Variants in KCTD8 observed in about 807,000 individuals in gnomAD.
KCTD8 encodes BTB/POZ domain-containing protein KCTD8.
A neutral mutation model predicts 31.5 loss-of-function variants in KCTD8; 27 were observed. That is an observed-to-expected ratio of 0.86 (90% CI 0.63 to 1.18). The LOEUF (loss-of-function observed/expected upper bound fraction) is 1.18. KCTD8 is among the 50% of genes most tolerant of loss of function. KCTD8 has a pLI of 0.00. For missense variants in KCTD8, 658 were observed against 647.7 expected (o/e 1.02, Z -0.17); for synonymous variants, 290 against 280.0 (o/e 1.04, Z -0.36).
chr4:44,231,644 G>T (rs992801468), intron 1 of KCTD8, among the ~76,000 whole-genome samples: 1 of 152,226 alleles, frequency 6.6e-6, no homozygotes, highest in African/African-American at 2.4e-5. Flanking sequence ...ATCTGATTTT[G>T]TATCCCATAT....
chr4:44,347,215 T>C (rs542336328), intron 1 of KCTD8, among the ~76,000 whole-genome samples: 5 of 152,336 alleles, frequency 3.3e-5, no homozygotes, highest in South Asian at 2.1e-4. Flanking sequence ...TTATTAAACA[T>C]GGTAACATCA....
At chr4:44,357,069 T>C (rs1361911648) in intron 1 of KCTD8, among the ~76,000 whole-genome samples, 1 of 143,600 alleles carries the variant, frequency 7.0e-6, no homozygotes, top group Non-Finnish European at 1.5e-5. Flanking sequence ...GGCATTTATA[T>C]CAAAGAAAGG....
intron 1 of KCTD8, among the ~76,000 whole-genome samples, chr4:44,349,756 A>G (rs1177992746): frequency 2.0e-5 from 3 of 152,012 alleles, no homozygotes; most frequent in African/African-American, 7.2e-5. Flanking sequence ...CCAAAGCACA[A>G]CTCTGATTGT....
At chr4:44,247,943 A>T (rs1013199948) in intron 1 of KCTD8, among the ~76,000 whole-genome samples, 2 of 151,966 alleles carry the variant, frequency 1.3e-5, no homozygotes, top group African/African-American at 2.4e-5. Context: ...TAAAAATAGA[A>T]CTACTATATG....
chr4:44,292,058 G>T (rs1003129123), intron 1 of KCTD8, among the ~76,000 whole-genome samples: 2 of 151,226 alleles, frequency 1.3e-5, no homozygotes, highest in Non-Finnish European at 2.9e-5. Flanking sequence ...ATCCACTGCG[G>T]AAAGCAGTAC....
At chr4:44,351,836 C>A (rs897547162) in intron 1 of KCTD8, among the ~76,000 whole-genome samples, 2 of 152,046 alleles carry the variant, frequency 1.3e-5, no homozygotes, top group East Asian at 3.9e-4. Context: ...CACAACTGAA[C>A]TGAAAATATT....
At chr4:44,377,618 C>T (rs1256796503) in intron 1 of KCTD8, among the ~76,000 whole-genome samples, 2 of 152,168 alleles carry the variant, frequency 1.3e-5, no homozygotes, top group East Asian at 3.9e-4. Flanking sequence ...CTGCGGCGTC[C>T]AGGACACAAG....
At chr4:44,283,024 T>TA (rs1293694345) in intron 1 of KCTD8, among the ~76,000 whole-genome samples, 4 of 129,022 alleles carry the variant, frequency 3.1e-5, no homozygotes, top group African/African-American at 1.2e-4. Flanking sequence ...AAACAACACA[T>TA]TTTATTATTA....
intron 1 of KCTD8, among the ~76,000 whole-genome samples, chr4:44,177,373 C>A (rs1713249443): frequency 6.6e-6 from 1 of 152,146 alleles, no homozygotes; most frequent in Non-Finnish European, 1.5e-5. Context: ...CCTCTCCCTT[C>A]TCTTCTCCTT....
chr4:44,448,595 C>G lies in KCTD8; in HGVS notation c.-72G>C. The G allele has an allele frequency of 7.4e-7, 1 of 1,355,470 alleles. No homozygotes were observed. Among genetic ancestry groups the G allele is most frequent in the Non-Finnish European group, 9.5e-7 (1 of 1,056,306 alleles). 84.0% of individuals were successfully genotyped at this position (1,355,470 alleles called of 1,614,324 possible). A position where few individuals can be genotyped will look rare whatever the true frequency, so the allele number is the denominator to read the frequency against. On this transcript the variant is annotated 5_prime_UTR_variant, in exon 1 of 2. Transcript: ENST00000360029. This position sits in a 1 kb window ranked among gnomAD's most constrained non-coding sequence, Gnocchi z 4.1. The stretch of plus-strand genomic sequence containing the variant: ...CGTTCCCGGAGCCCGCGCCCCAGCC[C>G]TCCGCGTGCTCCTGGCGCTCTGCGC...
intron 1 of KCTD8, among the ~76,000 whole-genome samples, chr4:44,292,820 T>G (rs1292897084): frequency 6.6e-6 from 1 of 152,130 alleles, no homozygotes; most frequent in Non-Finnish European, 1.5e-5. Context: ...TCCTATGAGA[T>G]TAAATTTTAT....
chr4:44,353,357 G>T (rs2109425865), intron 1 of KCTD8, among the ~76,000 whole-genome samples: 1 of 152,032 alleles, frequency 6.6e-6, no homozygotes, highest in Admixed American at 6.6e-5. Flanking sequence ...AAGTATAAGA[G>T]TTGTATATAT....
At chr4:44,437,517 A>G (rs1721692387) in intron 1 of KCTD8, among the ~76,000 whole-genome samples, 1 of 152,154 alleles carries the variant, frequency 6.6e-6, no homozygotes, top group Non-Finnish European at 1.5e-5. Flanking sequence ...GATTTCCCTC[A>G]GTTTGATAGT....
intron 1 of KCTD8, among the ~76,000 whole-genome samples, chr4:44,343,056 CT>C (rs1267215272): frequency 6.6e-6 from 1 of 152,196 alleles, no homozygotes; most frequent in Non-Finnish European, 1.5e-5. Flanking sequence ...TGGAGTTGCA[CT>C]TTTACTTTCC....
At chr4:44,206,075 T>C (rs1714294011) in intron 1 of KCTD8, among the ~76,000 whole-genome samples, 1 of 152,106 alleles carries the variant, frequency 6.6e-6, no homozygotes, top group African/African-American at 2.4e-5. Flanking sequence ...GAAGGCAAGC[T>C]TTCTTAGATT....
intron 1 of KCTD8, among the ~76,000 whole-genome samples, chr4:44,422,550 C>CA (rs1196321102): frequency 5.9e-5 from 9 of 151,898 alleles, no homozygotes; most frequent in South Asian, 2.1e-4. Flanking sequence ...ACGCAAATCG[C>CA]AAAAAATATA....
chr4:44,211,917 C>G (rs982134732), intron 1 of KCTD8, among the ~76,000 whole-genome samples: 2 of 151,526 alleles, frequency 1.3e-5, no homozygotes, highest in Non-Finnish European at 2.9e-5. Flanking sequence ...AGTATTTTTA[C>G]CTTTCTGGAA....
intron 1 of KCTD8, among the ~76,000 whole-genome samples, chr4:44,329,637 G>A (rs1046163111): frequency 1.3e-4 from 19 of 151,640 alleles, no homozygotes; most frequent in Non-Finnish European, 2.2e-4. Flanking sequence ...ATCTTGCTTT[G>A]TGCAACCAGA....
At chr4:44,412,958 GTTTC>G (rs1326156888) in intron 1 of KCTD8, among the ~76,000 whole-genome samples, 1 of 152,040 alleles carries the variant, frequency 6.6e-6, no homozygotes, top group Non-Finnish European at 1.5e-5. Flanking sequence ...ACATGATCAT[GTTTC>G]TTTGTCGCTG....
Sources: allele counts gnomAD v4.1 joint callset (sites outside exome capture counted in the v4.1 genomes callset), GRCh38; gene constraint gnomAD v4.1.1; non-coding constraint Gnocchi (gnomAD v3.1); transcripts MANE v1.5; gene names NCBI Gene and HGNC (gene_info 2026-07-23, HGNC 2026-07-21).